Variants in GCNT1 observed in about 807,000 individuals in gnomAD.
GCNT1 encodes the protein glucosaminyl (N-acetyl) transferase 1.
GCNT1 carries 16 observed loss-of-function variants against 26.2 expected under a neutral mutation model. That is an observed-to-expected ratio of 0.61 (90% CI 0.41 to 0.93). The LOEUF (loss-of-function observed/expected upper bound fraction) is 0.93, where lower values mean the gene tolerates loss of function less well. GCNT1 is among the 40% of genes least tolerant of loss of function. GCNT1 has a pLI of 0.00. For synonymous variants in GCNT1, 183 were observed against 190.8 expected (o/e 0.96, Z 0.34); for missense variants, 477 against 526.7 (o/e 0.91, Z 0.92).
At chr9:76,493,358 A>T (rs1587452468) in intron 2 of GCNT1, among the ~76,000 whole-genome samples, 1 of 152,286 alleles carries the variant, frequency 6.6e-6, no homozygotes, top group East Asian at 1.9e-4. Context: ...CTGAAGCCAC[A>T]TTCCTTTCAT....
chr9:76,479,038 T>A (rs1824340196), intron 2 of GCNT1, among the ~76,000 whole-genome samples: 1 of 150,962 alleles, frequency 6.6e-6, no homozygotes, highest in Non-Finnish European at 1.5e-5. Context: ...CCCTGGTGTG[T>A]GATGTCCCCC....
chr9:76,398,121 T>G, the GCNT1 span, among the ~76,000 whole-genome samples: 1 of 151,494 alleles, frequency 6.6e-6, no homozygotes, highest in East Asian at 1.9e-4. Context: ...TTCTCTGGTT[T>G]AATTTGTCTC....
intron 1 of GCNT1, among the ~76,000 whole-genome samples, chr9:76,428,848 G>C (rs1276466274): frequency 4.6e-5 from 7 of 151,888 alleles, no homozygotes; most frequent in Admixed American, 1.3e-4. Context: ...TTACAGGCAT[G>C]CACCACCACA....
chr9:76,428,187 G>A (rs539777689), intron 1 of GCNT1, among the ~76,000 whole-genome samples: 1 of 147,982 alleles, frequency 6.8e-6, no homozygotes, highest in South Asian at 2.1e-4. Flanking sequence ...AATGGCGTGA[G>A]CCCGGGAGGT....
chr9:76,472,301 A>G (rs964171647), intron 2 of GCNT1, among the ~76,000 whole-genome samples: 3 of 152,170 alleles, frequency 2.0e-5, no homozygotes. Context: ...AAAGGAAATG[A>G]GAAAAGAGAA....
upstream of GCNT1, among the ~76,000 whole-genome samples, chr9:76,454,511 A>G (rs146051368): frequency 6.9e-6 from 1 of 144,738 alleles, no homozygotes; most frequent in African/African-American, 2.6e-5. Flanking sequence ...GCTTCTTGGG[A>G]GGGGATGTGA....
At position 76,443,717 on chromosome 9, in the gene GCNT1, C is replaced by T. The variant is rs189679754; in HGVS notation, c.-290+1402C>T. 5.3e-5 allele frequency among the ~76,000 whole-genome samples: 8 copies of T among 152,170 alleles called. No individual in the cohort carries two copies. The East Asian group carries it at 1.5e-3, about 29-fold the overall frequency. ...GATTTGTTCCCAACATCCGTCTCTA[C>T]TAAAGATACAAAAGCTAGCCAGGTG... On this transcript the variant is annotated intron_variant, in intron 1 of 2. Coordinates refer to the GCNT1 transcript ENST00000442371.
intron 2 of GCNT1, among the ~76,000 whole-genome samples, chr9:76,464,040 T>G (rs1442834402): frequency 3.1e-5 from 2 of 65,006 alleles, no homozygotes; most frequent in Non-Finnish European, 6.0e-5. Context: ...CTTTTTTTGT[T>G]TTTTTTTTTT....
At chr9:76,396,114 G>T in the GCNT1 span, among the ~76,000 whole-genome samples, 290 of 152,276 alleles carry the variant, frequency 1.9e-3, 2 homozygotes, top group African/African-American at 6.4e-3. Context: ...TCATCCCTGG[G>T]TCTTACGCCA....
rs1564251129 is a variant in GCNT1, at chr9:76,505,703, T to C, written c.*2035T>C. On this transcript the variant is annotated 3_prime_UTR_variant, in exon 4 of 4. Coordinates refer to ENST00000376730, the MANE Select transcript of GCNT1 (RefSeq NM_001490.5). The stretch of plus-strand genomic sequence containing the variant: ...TGTACCCTATTTGCTTTAAGTTGTA[T>C]GTATTTCTGAACTTGGCAAAATTGG... 1 of 167,196 alleles carries C rather than the reference T, an allele frequency of 6.0e-6. No homozygotes were observed. The allele number at this position is 167,196 out of a possible 1,614,324, so 10.4% of individuals were successfully genotyped here.
chr9:76,479,339 A>G (rs1486986232), intron 2 of GCNT1, among the ~76,000 whole-genome samples: 4 of 152,168 alleles, frequency 2.6e-5, no homozygotes, highest in African/African-American at 9.7e-5. Flanking sequence ...GTCTTTCTTT[A>G]TAGGAGCATG....
At chr9:76,441,064 C>CAAAAAAAAAAAAA (rs758094129), upstream of GCNT1, among the ~76,000 whole-genome samples, 3 of 129,450 alleles carry the variant, frequency 2.3e-5, no homozygotes, top group Non-Finnish European at 1.7e-5. Context: ...GACTCCATCT[C>CAAAAAAAAAAAAA]AAAAAAAAAC....
At chr9:76,486,528 C>G (rs942014938) in intron 2 of GCNT1, among the ~76,000 whole-genome samples, 1 of 152,184 alleles carries the variant, frequency 6.6e-6, no homozygotes, top group Non-Finnish European at 1.5e-5. Context: ...ATTGCACGGT[C>G]TCAGCTTTCC....
upstream of GCNT1, among the ~76,000 whole-genome samples, chr9:76,436,984 G>C (rs1047682240): frequency 1.3e-5 from 2 of 152,104 alleles, no homozygotes; most frequent in African/African-American, 4.8e-5. Flanking sequence ...GGAAGGGATA[G>C]CATTAGGAGA....
chr9:76,397,961 G>A, the GCNT1 span, among the ~76,000 whole-genome samples: 22 of 152,294 alleles, frequency 1.4e-4, no homozygotes, highest in South Asian at 4.6e-3. Context: ...ATGCTACCTA[G>A]CATTCTCAGT....
chr9:76,453,243 C>A (rs559428886), intron 1 of GCNT1, among the ~76,000 whole-genome samples: 1 of 152,164 alleles, frequency 6.6e-6, no homozygotes, highest in Non-Finnish European at 1.5e-5. Flanking sequence ...CTTGAGTGAC[C>A]ATGAGTTGAG....
At chr9:76,469,941 T>C (rs765174209) in intron 2 of GCNT1, among the ~76,000 whole-genome samples, 1 of 152,162 alleles carries the variant, frequency 6.6e-6, no homozygotes, top group Non-Finnish European at 1.5e-5. Flanking sequence ...ATTTTGGAAG[T>C]GGCCTGCCAC....
upstream of GCNT1, among the ~76,000 whole-genome samples, chr9:76,417,625 C>A (rs139402815): frequency 6.3e-4 from 96 of 152,320 alleles, no homozygotes; most frequent in African/African-American, 2.3e-3. Flanking sequence ...ATTCTCCCAA[C>A]AGGAAACTCC....
At chr9:76,447,237 T>C (rs973750298) in intron 1 of GCNT1, among the ~76,000 whole-genome samples, 7 of 151,482 alleles carry the variant, frequency 4.6e-5, no homozygotes, top group Non-Finnish European at 8.8e-5. Context: ...TTTCTTTTTT[T>C]CTTTTTCTTC....
Sources: allele counts gnomAD v4.1 joint callset (sites outside exome capture counted in the v4.1 genomes callset), GRCh38; gene constraint gnomAD v4.1.1; transcripts MANE v1.5; gene names NCBI Gene and HGNC (gene_info 2026-07-23, HGNC 2026-07-21).